Variants in GNG12 observed in about 807,000 individuals in gnomAD.
GNG12 encodes G protein subunit gamma 12.
For synonymous variants in GNG12, 28 were observed against 29.7 expected, an observed-to-expected ratio of 0.94 and a Z score of 0.19; for missense variants, 69 against 83.8, an observed-to-expected ratio of 0.82 and a Z score of 0.69.
chr1:67,763,958 C>T (rs182348710), intron 2 of GNG12, among the ~76,000 whole-genome samples: 36 of 152,318 alleles, frequency 2.4e-4, no homozygotes, highest in African/African-American at 8.4e-4. Flanking sequence ...GCTAGTATTG[C>T]ACTGCTGTTT....
At chr1:67,791,176 GA>G (rs1646800213) in intron 1 of GNG12, among the ~76,000 whole-genome samples, 1 of 69,784 alleles carries the variant, frequency 1.4e-5, no homozygotes, top group Non-Finnish European at 3.1e-5. Flanking sequence ...AACAATTGTG[GA>G]TATGATGATG....
chr1:67,723,861 G>A (rs1408918585), intron 2 of GNG12, among the ~76,000 whole-genome samples: 1 of 152,172 alleles, frequency 6.6e-6, no homozygotes, highest in African/African-American at 2.4e-5. Context: ...CAAAACCAGG[G>A]GGAGGAGTTA....
chr1:67,767,451 C>T (rs976111991), intron 2 of GNG12, among the ~76,000 whole-genome samples: 9 of 152,342 alleles, frequency 5.9e-5, no homozygotes, highest in Admixed American at 5.2e-4. Context: ...GCTCTCCACA[C>T]CTACCTGACC....
At chr1:67,806,400 G>GATGAAAA (rs1646894631) in intron 1 of GNG12, among the ~76,000 whole-genome samples, 1 of 151,890 alleles carries the variant, frequency 6.6e-6, no homozygotes, top group Non-Finnish European at 1.5e-5. Flanking sequence ...TTCAAACAAG[G>GATGAAAA]ATGAAAAATA....
At chr1:67,777,077 G>A (rs2100762833) in intron 2 of GNG12, 1 of 152,274 alleles carries the variant, frequency 6.6e-6, no homozygotes, top group South Asian at 2.1e-4. Flanking sequence ...TATGTTTTAT[G>A]TTGTAGCTGT....
chr1:67,743,910 G>A (rs770638882), intron 2 of GNG12, among the ~76,000 whole-genome samples: 2 of 152,104 alleles, frequency 1.3e-5, no homozygotes, highest in Non-Finnish European at 2.9e-5. Context: ...TAGAGAAAAT[G>A]GTATTTATTT....
intron 2 of GNG12, among the ~76,000 whole-genome samples, chr1:67,767,711 T>C (rs879847191): frequency 6.6e-6 from 1 of 152,250 alleles, no homozygotes; most frequent in African/African-American, 2.4e-5. Context: ...CCTTATCTGA[T>C]GGCAATATCA....
intron 1 of GNG12, among the ~76,000 whole-genome samples, chr1:67,824,920 C>T (rs113377662): frequency 1.5e-5 from 2 of 137,856 alleles, no homozygotes; most frequent in African/African-American, 5.2e-5. Context: ...ATATTTATTA[C>T]AGCCATAGGA....
chr1:67,754,755 T>C (rs769823850), intron 2 of GNG12, among the ~76,000 whole-genome samples: 7 of 152,188 alleles, frequency 4.6e-5, no homozygotes, highest in African/African-American at 2.4e-5. Context: ...AGCACACTTG[T>C]TGGTCTTCTG....
chr1:67,712,034 G>A (rs1646298388), intron 2 of GNG12, among the ~76,000 whole-genome samples: 1 of 152,242 alleles, frequency 6.6e-6, no homozygotes, highest in Non-Finnish European at 1.5e-5. Context: ...AGGAGCTGGA[G>A]TTCTAGCTAA....
chr1:67,827,376 C>T (rs1647016864), intron 1 of GNG12, among the ~76,000 whole-genome samples: 1 of 152,126 alleles, frequency 6.6e-6, no homozygotes. Flanking sequence ...GATACTAACC[C>T]TCTGGCAGAA....
chr1:67,783,651 C>G (rs1054696395), intron 1 of GNG12, among the ~76,000 whole-genome samples: 1 of 152,064 alleles, frequency 6.6e-6, no homozygotes, highest in Non-Finnish European at 1.5e-5. Flanking sequence ...AAAAAGTGGG[C>G]GAAGGACATG....
At chr1:67,792,628 C>T (rs1005690775) in intron 1 of GNG12, among the ~76,000 whole-genome samples, 2 of 152,166 alleles carry the variant, frequency 1.3e-5, no homozygotes, top group African/African-American at 2.4e-5. Context: ...CTAATAAAGA[C>T]ATTGTCTGCC....
chr1:67,747,654 A>G (rs1646515033), intron 2 of GNG12, among the ~76,000 whole-genome samples: 1 of 152,222 alleles, frequency 6.6e-6, no homozygotes, highest in Non-Finnish European at 1.5e-5. Context: ...GCAAATATTA[A>G]TGCTATCTGC....
At chr1:67,732,283 C>A (rs558348814) in intron 2 of GNG12, among the ~76,000 whole-genome samples, 68 of 152,236 alleles carry the variant, frequency 4.5e-4, no homozygotes, top group South Asian at 1.7e-3. Flanking sequence ...ATCGGGGGAC[C>A]CCCAGTATAA....
At chr1:67,728,385 T>C (rs1646399289) in intron 2 of GNG12, among the ~76,000 whole-genome samples, 1 of 152,180 alleles carries the variant, frequency 6.6e-6, no homozygotes, top group Non-Finnish European at 1.5e-5. Flanking sequence ...TTCGAGTCAC[T>C]TCTTTTTCTG....
intron 2 of GNG12, among the ~76,000 whole-genome samples, chr1:67,727,593 C>T (rs1010145296): frequency 6.6e-6 from 1 of 152,180 alleles, no homozygotes; most frequent in African/African-American, 2.4e-5. Flanking sequence ...TAACTGAAAA[C>T]GATTCCCAGC....
chr1:67,781,544 C>T (rs372985606), intron 1 of GNG12, among the ~76,000 whole-genome samples: 2 of 152,216 alleles, frequency 1.3e-5, no homozygotes, highest in African/African-American at 4.8e-5. Flanking sequence ...ACAATAAGTT[C>T]TACAATTTTT....
chr1:67,801,142 T>C (rs943743888), intron 1 of GNG12, among the ~76,000 whole-genome samples: 2 of 152,152 alleles, frequency 1.3e-5, no homozygotes, highest in Non-Finnish European at 2.9e-5. Context: ...GCGTCTTCCA[T>C]ACAGCCAGGT....
Sources: allele counts gnomAD v4.1 joint callset (sites outside exome capture counted in the v4.1 genomes callset), GRCh38; gene constraint gnomAD v4.1.1; transcripts MANE v1.5; gene names NCBI Gene and HGNC (gene_info 2026-07-23, HGNC 2026-07-21).